ROBO2: variants seen among roughly 807,000 people sequenced by gnomAD.
ROBO2 encodes roundabout homolog 2.
ROBO2 carries 53 observed loss-of-function variants against 160.8 expected under a neutral mutation model. That is an observed-to-expected ratio of 0.33 (90% CI 0.26 to 0.41). The LOEUF (loss-of-function observed/expected upper bound fraction) is 0.41, where lower values mean the gene tolerates loss of function less well. Ranked by LOEUF, ROBO2 falls within the 10% of genes least tolerant of loss-of-function variation. The pLI is 1.00. For synonymous variants in ROBO2, 664 were observed against 611.7 expected (o/e 1.09, Z -1.26); for missense variants, 1,577 against 1,722.4 (o/e 0.92, Z 1.49).
intron 2 of ROBO2, among the ~76,000 whole-genome samples, chr3:76,940,446 G>A (rs955546688): frequency 4.6e-5 from 7 of 152,178 alleles, no homozygotes; most frequent in African/African-American, 1.7e-4. Flanking sequence ...AGCTACTTTC[G>A]TTCTCGATAC....
chr3:77,379,910 T>C (rs1419043485), intron 2 of ROBO2, among the ~76,000 whole-genome samples: 1 of 152,126 alleles, frequency 6.6e-6, no homozygotes, highest in Non-Finnish European at 1.5e-5. Context: ...TCAACTCAGT[T>C]GTTAGCTTTC....
intron 2 of ROBO2, among the ~76,000 whole-genome samples, chr3:76,821,490 G>A (rs749603166): frequency 1.1e-4 from 16 of 151,950 alleles, no homozygotes; most frequent in Admixed American, 2.0e-4. Context: ...TTATTCGAGA[G>A]AAACAGCATT....
At chr3:76,897,107 A>G (rs920757497) in intron 2 of ROBO2, among the ~76,000 whole-genome samples, 2 of 152,186 alleles carry the variant, frequency 1.3e-5, no homozygotes, top group African/African-American at 4.8e-5. Context: ...ATATATGAGC[A>G]CTGAGTTTGT....
intron 2 of ROBO2, among the ~76,000 whole-genome samples, chr3:77,017,447 A>G (rs191457011): frequency 1.3e-5 from 2 of 152,304 alleles, no homozygotes; most frequent in African/African-American, 2.4e-5. Flanking sequence ...ATGTATATTA[A>G]GTAGATTGGA....
At chr3:76,819,706 T>A (rs1462052916) in intron 2 of ROBO2, among the ~76,000 whole-genome samples, 1 of 152,036 alleles carries the variant, frequency 6.6e-6, no homozygotes, top group Admixed American at 6.6e-5. Context: ...AAAATATTAA[T>A]GTATATTAAT....
At chr3:76,079,629 G>A (rs1242864794) in intron 2 of ROBO2, among the ~76,000 whole-genome samples, 3 of 151,726 alleles carry the variant, frequency 2.0e-5, no homozygotes, top group Non-Finnish European at 1.5e-5. Context: ...GATTAGAGGC[G>A]CATGCCGCCA....
chr3:77,172,669 A>T (rs1181346526), intron 2 of ROBO2, among the ~76,000 whole-genome samples: 1 of 152,196 alleles, frequency 6.6e-6, no homozygotes, highest in African/African-American at 2.4e-5. Flanking sequence ...TATTTTAAAT[A>T]AGTAGGTTTT....
At chr3:77,591,397 GT>G (rs2094177071) in intron 17 of ROBO2, among the ~76,000 whole-genome samples, 1 of 152,114 alleles carries the variant, frequency 6.6e-6, no homozygotes, top group South Asian at 2.1e-4. Context: ...ATTTGCCACA[GT>G]TATGTTTTCT....
rs183479811 is a variant in ROBO2, at chr3:77,001,532, G to A, written c.110-96482G>A. Among the ~76,000 whole-genome samples the A allele has an allele frequency of 1.8e-4, 28 of 152,196 alleles. No homozygotes were observed. In the East Asian group the frequency reaches 2.3e-3, roughly 13 times the overall value. On this transcript the variant is annotated intron_variant, in intron 2 of 26. Coordinates refer to the ROBO2 transcript ENST00000487694. Reference sequence around the variant, plus strand: ...GTGATGGACAACTCTGCCAACACATGAACAGGGGGGTTTGAGAGGGGATTT... The same window carrying A: ...GTGATGGACAACTCTGCCAACACATAAACAGGGGGGTTTGAGAGGGGATTT...
chr3:76,351,034 T>A (rs1315963623), intron 2 of ROBO2, among the ~76,000 whole-genome samples: 1 of 152,004 alleles, frequency 6.6e-6, no homozygotes, highest in African/African-American at 2.4e-5. Flanking sequence ...TGCATTAGCC[T>A]TTATGTTTTA....
intron 2 of ROBO2, among the ~76,000 whole-genome samples, chr3:76,086,193 G>C (rs1305129751): frequency 6.6e-6 from 1 of 152,074 alleles, no homozygotes; most frequent in Non-Finnish European, 1.5e-5. Context: ...TTGGTGGAAG[G>C]GGAAGCAAAC....
chr3:77,577,517 C>A (rs779970791), exon 15 of ROBO2: 1 of 1,613,236 alleles, frequency 6.2e-7, no homozygotes, highest in Admixed American at 1.7e-5. Flanking sequence ...CAGTCTGTCA[C>A]TGTACTGACA....
chr3:76,885,307 A>G (rs112689780), intron 2 of ROBO2, among the ~76,000 whole-genome samples: 4,721 of 152,290 alleles, frequency 0.031, 101 homozygotes, highest in South Asian at 0.045. Flanking sequence ...TTATAGAGAA[A>G]AGGTGACTAT....
At chr3:75,928,940 T>A (rs1425365797) in intron 1 of ROBO2, among the ~76,000 whole-genome samples, 1 of 141,994 alleles carries the variant, frequency 7.0e-6, no homozygotes, top group African/African-American at 2.7e-5. Flanking sequence ...GTACTTTCAA[T>A]GTACCTTCAA....
intron 2 of ROBO2, among the ~76,000 whole-genome samples, chr3:77,368,969 G>A (rs762983218): frequency 2.0e-5 from 3 of 152,028 alleles, no homozygotes; most frequent in Admixed American, 6.6e-5. Flanking sequence ...CACTACTTAC[G>A]GGGGTGTTAA....
chr3:76,258,139 T>C (rs1302090201), intron 2 of ROBO2, among the ~76,000 whole-genome samples: 1 of 152,082 alleles, frequency 6.6e-6, no homozygotes, highest in African/African-American at 2.4e-5. Context: ...TTAAGCGTCT[T>C]ATCAAAACTA....
chr3:76,362,431 G>T (rs181329153), intron 2 of ROBO2, among the ~76,000 whole-genome samples: 2 of 152,086 alleles, frequency 1.3e-5, no homozygotes. Context: ...GATGGTAATT[G>T]GTTGCTTAGT....
chr3:77,521,993 A>G (rs572709075), intron 5 of ROBO2, among the ~76,000 whole-genome samples: 1 of 151,426 alleles, frequency 6.6e-6, no homozygotes, highest in East Asian at 1.9e-4. Context: ...CCACAGGTAA[A>G]TATCAGGAGG....
rs577739738 is a variant in ROBO2 at position 77,555,676 on chromosome 3, G to A, written c.1232-2268G>A. On this transcript the variant is annotated intron_variant, in intron 8 of 25. Transcript: ENST00000461745. ...GTTAAAAAGACTGGGGAGATAAGAT[G>A]TATTTATATCTTGTACTGACAATAA... Among the ~76,000 whole-genome samples, 435 of 152,008 alleles carry A rather than the reference G, an allele frequency of 2.9e-3. 1 individual carries two copies. Among genetic ancestry groups the A allele is most frequent in the Non-Finnish European group, 4.8e-3 (324 of 67,942 alleles).
Sources: allele counts gnomAD v4.1 joint callset (sites outside exome capture counted in the v4.1 genomes callset), GRCh38; gene constraint gnomAD v4.1.1; transcripts MANE v1.5; gene names NCBI Gene and HGNC (gene_info 2026-07-23, HGNC 2026-07-21).